CLRN2: variants seen among roughly 807,000 people sequenced by gnomAD.
CLRN2 encodes clarin-2.
A neutral mutation model predicts 20.1 loss-of-function variants in CLRN2; 17 were observed. That is an observed-to-expected ratio of 0.85 (90% CI 0.58 to 1.27). The LOEUF is 1.27. Among genes scored for constraint, CLRN2 ranks in the 50% most tolerant of loss-of-function variants. The probability of loss-of-function intolerance (pLI) is 0.00; values close to 1 mark genes in which losing one functional copy is unlikely to be tolerated. For missense variants in CLRN2, 288 were observed against 299.5 expected, an observed-to-expected ratio of 0.96 and a Z score of 0.28; for synonymous variants, 140 against 126.9, an observed-to-expected ratio of 1.10 and a Z score of -0.70.
chr4:17,525,882 A>G (rs547422013), intron 2 of CLRN2, among the ~76,000 whole-genome samples: 5 of 152,328 alleles, frequency 3.3e-5, no homozygotes, highest in Non-Finnish European at 7.3e-5. Flanking sequence ...CTGGTGTCCA[A>G]ATTTTTCTTC....
chr4:17,522,775 G>A (rs1006190378), intron 1 of CLRN2, 89 bp from the exon 2 acceptor site: 5 of 1,429,614 alleles, frequency 3.5e-6, no homozygotes, highest in Admixed American at 3.7e-5. Flanking sequence ...ACCCCTGTCT[G>A]TCGAAGCCTT....
chr4:17,522,098 A>G (rs539558441), intron 1 of CLRN2, among the ~76,000 whole-genome samples: 101 of 152,340 alleles, frequency 6.6e-4, no homozygotes, highest in African/African-American at 2.3e-3. Context: ...GCCTGTGGGT[A>G]TAAGGAGTTT....
intron 2 of CLRN2, among the ~76,000 whole-genome samples, chr4:17,525,976 G>T (rs764079023): frequency 6.6e-6 from 1 of 152,036 alleles, no homozygotes; most frequent in African/African-American, 2.4e-5. Flanking sequence ...AGGAAGAGAG[G>T]GGGAGAGAGA....
chr4:17,525,766 T>C (rs1711957905), intron 2 of CLRN2, among the ~76,000 whole-genome samples: 1 of 152,062 alleles, frequency 6.6e-6, no homozygotes. Context: ...AAGAACACCA[T>C]AATACTAATT....
intron 1 of CLRN2, among the ~76,000 whole-genome samples, chr4:17,518,851 A>G (rs779331379): frequency 3.3e-5 from 5 of 152,230 alleles, no homozygotes; most frequent in Non-Finnish European, 7.3e-5. Context: ...AGAACACAGT[A>G]TCTGAAGCCA....
Position 17,515,486 on chromosome 4 carries a change from T to C in CLRN2, c.220T>C (p.Cys74Arg). Residue 74 changes from cysteine (C) to arginine (R), a missense_variant, in exon 1 of 3, where the codon TGT becomes CGT. Cys to Arg is a radical substitution (Grantham distance 180, BLOSUM62 -3). Transcript: ENST00000511148. ...CTTCCGAGGGTGTAAAGTGCGGCAG[T>C]GTGGGCTTGGGGGCCGCCAATCCCA... Reference protein sequence around the residue: ...GLFRGCKVRQCGLGGRQSQFT... With the variant: ...GLFRGCKVRQRGLGGRQSQFT... 1 of 1,613,918 alleles carries C rather than the reference T, an allele frequency of 6.2e-7. No individual in the cohort carries two copies. The highest frequency in any genetic ancestry group is 8.5e-7 in the Non-Finnish European group (1 of 1,179,866).
chr4:17,518,755 C>G (rs1226737699), intron 1 of CLRN2, among the ~76,000 whole-genome samples: 2 of 116,528 alleles, frequency 1.7e-5, no homozygotes, highest in Non-Finnish European at 3.7e-5. Flanking sequence ...GAGTGAAAAT[C>G]CATCTAAAAA....
chr4:17,515,624 G>C (rs1711644283), intron 1 of CLRN2, 105 bp downstream of exon 1: 1 of 1,297,594 alleles, frequency 7.7e-7, no homozygotes, highest in Admixed American at 2.3e-5. Context: ...CTCAACGTCA[G>C]GCATAATGTC....
At position 17,527,051 on chromosome 4, in the gene CLRN2, C is replaced by A. The variant is rs1417020148; in HGVS notation, c.668C>A (p.Ala223Asp). 1.5e-5 allele frequency: 24 copies of A among 1,613,992 alleles called. No individual in the cohort carries two copies. The highest frequency in any genetic ancestry group is 1.9e-5 in the Non-Finnish European group (22 of 1,179,880). The part of the protein sequence containing the change: ...LPEIKTKIEE[A>D]TVTAEDILY ...GAGATTAAGACCAAAATCGAAGAGGCCACGGTCACAGCTGAGGATATCTTG... is the reference window on the plus strand; with the variant it reads ...GAGATTAAGACCAAAATCGAAGAGGACACGGTCACAGCTGAGGATATCTTG... Residue 223 changes from alanine to aspartate, a missense_variant, in exon 3 of 3, where the codon GCC (alanine) becomes GAC (aspartate). Transcript: ENST00000511148.
intron 1 of CLRN2, among the ~76,000 whole-genome samples, chr4:17,522,266 T>A (rs2109002682): frequency 6.6e-6 from 1 of 152,266 alleles, no homozygotes; most frequent in Admixed American, 6.5e-5. Context: ...GCTTGAGAAG[T>A]CACATGACTT....
At chr4:17,520,468 C>T (rs191594840) in intron 1 of CLRN2, among the ~76,000 whole-genome samples, 1 of 152,282 alleles carries the variant, frequency 6.6e-6, no homozygotes, top group African/African-American at 2.4e-5. Flanking sequence ...GGGAGTGCTT[C>T]TGGAAAATAA....
intron 1 of CLRN2, among the ~76,000 whole-genome samples, chr4:17,521,502 A>G: frequency 6.6e-6 from 1 of 152,208 alleles, no homozygotes; most frequent in Non-Finnish European, 1.5e-5. Context: ...ATAATGTTCA[A>G]TTCTTCATGT....
rs367718841 is a variant in CLRN2, at chr4:17,525,119, A to C, written c.434-1698A>C. ...ATGTTTGAATTTATGCTAAGGAAAT[A>C]CTGGACAAGAGAACAAGGATGTACA... On this transcript the variant is annotated intron_variant, in intron 2 of 2. Coordinates refer to ENST00000511148, the MANE Select transcript of CLRN2 (RefSeq NM_001079827.2). 1.1e-4 allele frequency among the ~76,000 whole-genome samples: 16 copies of C among 152,326 alleles called. No individual in the cohort carries two copies. The East Asian group carries it at 2.1e-3, about 20-fold the overall frequency.
At chr4:17,519,577 C>T (rs1204085922) in intron 1 of CLRN2, among the ~76,000 whole-genome samples, 1 of 150,746 alleles carries the variant, frequency 6.6e-6, no homozygotes, top group Admixed American at 6.7e-5. Flanking sequence ...ATAGTCTGCA[C>T]CCCATATAGG....
chr4:17,523,498 T>C (rs548667205), intron 2 of CLRN2, among the ~76,000 whole-genome samples: 13 of 152,182 alleles, frequency 8.5e-5, no homozygotes, highest in African/African-American at 2.9e-4. Flanking sequence ...ATTTCCTCTT[T>C]AAGTTGCAGA....
chr4:17,527,005 ATCAG>A lies in CLRN2; in HGVS notation c.626_629del (p.Ser209LysfsTer?). ...TGCTGCAAACTTGGTCGTGGTGGCG[ATCAG>A]TCAAATTCCCCTCCCTGAGATTAAG... is the stretch of plus-strand genomic sequence containing the variant. On this transcript the variant is annotated frameshift_variant, in exon 3 of 3. Coordinates refer to ENST00000511148, the MANE Select transcript of CLRN2 (RefSeq NM_001079827.2). LOFTEE classifies it high-confidence loss of function. 6.2e-7 allele frequency: 1 copy of A among 1,613,970 alleles called. No individual in the cohort carries two copies. Among genetic ancestry groups the A allele is most frequent in the Non-Finnish European group, 8.5e-7 (1 of 1,179,884 alleles).
At chr4:17,520,692 C>T (rs991987428) in intron 1 of CLRN2, among the ~76,000 whole-genome samples, 2 of 152,082 alleles carry the variant, frequency 1.3e-5, no homozygotes, top group African/African-American at 4.8e-5. Context: ...GTCGTGTGTC[C>T]TAAGGATTGC....
chr4:17,519,773 G>A lies in CLRN2; in HGVS notation c.254-3091G>A, dbSNP rs531947514. ...CAGCTTTCCTAGGGCAGCACTGGGT[G>A]TCAGGCTAAGGCAGAGTCACCTCTC... On this transcript the variant is annotated intron_variant, in intron 1 of 2. Transcript: ENST00000511148. Among the ~76,000 whole-genome samples, 5 of 152,334 alleles carry A rather than the reference G, an allele frequency of 3.3e-5. No individual in the cohort carries two copies. The East Asian group carries it at 9.6e-4, about 29-fold the overall frequency.
At position 17,525,929 on chromosome 4, in the gene CLRN2, A is replaced by G. The variant is rs536198960; in HGVS notation, c.434-888A>G. Among the ~76,000 whole-genome samples the G allele has an allele frequency of 3.6e-5, 5 of 140,616 alleles. No individual in the cohort carries two copies. In the East Asian group the frequency reaches 1.1e-3, roughly 31 times the overall value. The allele number at this position is 140,616 out of a possible 152,430, so 92.2% of individuals were successfully genotyped here. Reference sequence around the variant, plus strand: ...ACTAATCTTTTAAGAAGCATCATAAATGTGTTATTAAAAATATTAATTAAA... The same window carrying G: ...ACTAATCTTTTAAGAAGCATCATAAGTGTGTTATTAAAAATATTAATTAAA... On this transcript the variant is annotated intron_variant, in intron 2 of 2. Coordinates refer to ENST00000511148, the MANE Select transcript of CLRN2 (RefSeq NM_001079827.2).
Sources: allele counts gnomAD v4.1 joint callset (sites outside exome capture counted in the v4.1 genomes callset), GRCh38; gene constraint gnomAD v4.1.1; transcripts MANE v1.5; gene names NCBI Gene and HGNC (gene_info 2026-07-23, HGNC 2026-07-21).